NFX1: variants seen among roughly 807,000 people sequenced by gnomAD.
NFX1 encodes nuclear transcription factor, X-box binding 1, also known as transcriptional repressor NF-X1.
A neutral mutation model predicts 137.2 loss-of-function variants in NFX1; 69 were observed. The observed-to-expected ratio is 0.50, with a 90% CI of 0.41 to 0.61. The LOEUF (loss-of-function observed/expected upper bound fraction) is 0.61. NFX1 is among the 20% of genes least tolerant of loss of function. NFX1 has a pLI of 0.00. For missense variants in NFX1, 1,167 were observed against 1,391.0 expected, an observed-to-expected ratio of 0.84 and a Z score of 2.56; for synonymous variants, 495 against 474.1, an observed-to-expected ratio of 1.04 and a Z score of -0.57.
chr9:33,340,387 G>C (rs1823175466), intron 12 of NFX1, among the ~76,000 whole-genome samples: 1 of 152,258 alleles, frequency 6.6e-6, no homozygotes, highest in African/African-American at 2.4e-5. Context: ...CTGGGATGCA[G>C]GGCACCAAGT....
chr9:33,359,881 AAGTT>A (rs1215172172), intron 19 of NFX1, among the ~76,000 whole-genome samples: 1 of 152,216 alleles, frequency 6.6e-6, no homozygotes, highest in South Asian at 2.1e-4. Flanking sequence ...TTAAGATAAA[AAGTT>A]AGACAAATGC....
intron 10 of NFX1, among the ~76,000 whole-genome samples, chr9:33,330,512 T>C (rs1427132535): frequency 1.3e-5 from 2 of 152,256 alleles, no homozygotes; most frequent in African/African-American, 2.4e-5. Context: ...TTTTGTACTT[T>C]GTAAATACTG....
intron 14 of NFX1, among the ~76,000 whole-genome samples, 155 bp from the exon 15 acceptor site, chr9:33,346,883 G>A (rs1823440155): frequency 6.6e-6 from 1 of 152,126 alleles, no homozygotes; most frequent in South Asian, 2.1e-4. Flanking sequence ...TTAACATAAA[G>A]CAAGGTACTT....
chr9:33,295,531 C>A, intron 2 of NFX1, 104 bp downstream of exon 2: 2 of 1,292,078 alleles, frequency 1.5e-6, no homozygotes, highest in Non-Finnish European at 2.1e-6. Context: ...TGGAAAGTTA[C>A]ACTGTAAAAA....
At chr9:33,344,855 ACT>A (rs1012006109) in intron 14 of NFX1, among the ~76,000 whole-genome samples, 2 of 140,016 alleles carry the variant, frequency 1.4e-5, no homozygotes, top group African/African-American at 5.5e-5. Context: ...ACAGACCAAG[ACT>A]CTGTCTCAAA....
chr9:33,354,089 A>T lies in NFX1; in HGVS notation c.2733A>T (p.Ile911=), dbSNP rs1261200308. The change falls in exon 18 of 24, where the codon ATA becomes ATT. Residue 911 remains isoleucine, a synonymous_variant. Coordinates refer to ENST00000379540, the MANE Select transcript of NFX1 (RefSeq NM_002504.6). ...CCCTTTCTTTTTTATATTTCAGAAT[A>T]GCTGCAATCTCCATGGCCTCTAAGA... ...CSEASSTYQR[I]AAISMASKIT... The T allele has an allele frequency of 6.2e-7, 1 of 1,606,034 alleles. No individual in the cohort carries two copies.
chr9:33,355,857 C>T (rs1823793590), intron 19 of NFX1, among the ~76,000 whole-genome samples: 1 of 152,040 alleles, frequency 6.6e-6, no homozygotes, highest in African/African-American at 2.4e-5. Flanking sequence ...GTTGGCCAGG[C>T]TGGTCTCGAA....
chr9:33,317,173 CT>C (rs1822192755), intron 7 of NFX1, among the ~76,000 whole-genome samples: 1 of 151,920 alleles, frequency 6.6e-6, no homozygotes, highest in South Asian at 2.1e-4. Flanking sequence ...AATCCCAGCA[CT>C]TTAGGAGGCC....
intron 7 of NFX1, among the ~76,000 whole-genome samples, chr9:33,317,261 A>T (rs555174191): frequency 1.6e-3 from 248 of 151,716 alleles, no homozygotes; most frequent in Non-Finnish European, 3.0e-3. Flanking sequence ...TCTACAAAAA[A>T]TACAAAAGCT....
In NFX1 at chr9:33,347,776, C is replaced by T. The variant is rs142599751; in HGVS notation, c.2424+659C>T. 2.8e-3 allele frequency: 897 copies of T among 320,250 alleles called. 7 individuals are homozygous for T. Among genetic ancestry groups the T allele is most frequent in the Middle Eastern group, 9.7e-3 (9 of 930 alleles). The allele number at this position is 320,250 out of a possible 1,614,324, so 19.8% of individuals were successfully genotyped here. A position where few individuals can be genotyped will look rare whatever the true frequency, so the allele number is the denominator to read the frequency against. ...CACAATTGCAAAAATGTGGAACCAGCCCAACTGCCCATCAGTCAACAAGTG... is the reference window on the plus strand; with the variant it reads ...CACAATTGCAAAAATGTGGAACCAGTCCAACTGCCCATCAGTCAACAAGTG... On this transcript the variant is annotated intron_variant, in intron 15 of 23. Transcript: ENST00000379540.
intron 19 of NFX1, among the ~76,000 whole-genome samples, chr9:33,359,397 G>A (rs1178770879): frequency 5.3e-5 from 8 of 152,100 alleles, no homozygotes; most frequent in East Asian, 1.9e-4. Context: ...TCAAGAGTTC[G>A]AGACCAGCCT....
intron 12 of NFX1, among the ~76,000 whole-genome samples, chr9:33,341,631 T>TAA (rs1214828356): frequency 6.6e-6 from 1 of 152,174 alleles, no homozygotes; most frequent in Non-Finnish European, 1.5e-5. Flanking sequence ...GACTTCCTCT[T>TAA]ATTATAAAAA....
intron 11 of NFX1, among the ~76,000 whole-genome samples, chr9:33,334,086 A>C (rs949804190): frequency 1.3e-5 from 2 of 152,246 alleles, no homozygotes; most frequent in African/African-American, 4.8e-5. Flanking sequence ...CAGAGGTTGC[A>C]GTGAACTGAG....
At chr9:33,329,719 C>G (rs371898611) in intron 10 of NFX1, among the ~76,000 whole-genome samples, 8 of 151,564 alleles carry the variant, frequency 5.3e-5, no homozygotes, top group African/African-American at 1.7e-4. Flanking sequence ...AGTGCAGAGG[C>G]GCAGTCTTGG....
intron 23 of NFX1, among the ~76,000 whole-genome samples, chr9:33,369,284 C>CA (rs1564155254): frequency 1.3e-5 from 2 of 152,126 alleles, no homozygotes; most frequent in African/African-American, 4.8e-5. Flanking sequence ...AGGATGGTCT[C>CA]AATCTCCTGA....
chr9:33,362,251 C>A (rs1455833627), intron 19 of NFX1, among the ~76,000 whole-genome samples: 1 of 152,028 alleles, frequency 6.6e-6, no homozygotes, highest in Non-Finnish European at 1.5e-5. Flanking sequence ...ACCATATGAT[C>A]CAGCAATCCT....
Position 33,338,588 on chromosome 9 carries a change from T to C in NFX1, c.2114T>C (p.Val705Ala), listed in dbSNP as rs1465551541. ...CATAAATGTAATGAGATATGCTGTG[T>C]GGTAAGTGGACTTATTAGGCATAAT... is the stretch of plus-strand genomic sequence containing the variant. ...GRHKCNEICCVDKEHKCPLIC... is the reference protein window; with the variant it reads ...GRHKCNEICCADKEHKCPLIC... The change falls in exon 12 of 24, where the codon GTG becomes GCG. Residue 705 changes from valine to alanine, a missense_variant and splice_region_variant. This residue lies in a region of NFX1 where 488 missense variants were observed against 691.5 expected (regional missense o/e 0.71). Transcript: ENST00000379540. 2 of 1,588,556 alleles carry C rather than the reference T, an allele frequency of 1.3e-6. No homozygotes were observed. Among genetic ancestry groups the C allele is most frequent in the Admixed American group, 3.8e-5 (2 of 53,188 alleles).
Position 33,371,043 on chromosome 9 carries a change from T to C in NFX1, c.*1065T>C, listed in dbSNP as rs1050862250. 1 of 152,176 alleles carries C rather than the reference T, an allele frequency of 6.6e-6. No individual in the cohort carries two copies. Among genetic ancestry groups the C allele is most frequent in the African/African-American group, 2.4e-5 (1 of 41,440 alleles). 9.4% of individuals were successfully genotyped at this position (152,176 alleles called of 1,614,324 possible). On this transcript the variant is annotated 3_prime_UTR_variant, in exon 24 of 24. Coordinates refer to ENST00000379540, the MANE Select transcript of NFX1 (RefSeq NM_002504.6). ...ACCCCTCCAGCCTGGAGGCCAGGCT[T>C]CCAGCAACTTCCTTCTGCCCTAGAG...
intron 15 of NFX1, among the ~76,000 whole-genome samples, chr9:33,351,343 C>T (rs1365643555): frequency 1.3e-5 from 2 of 151,524 alleles, no homozygotes; most frequent in Non-Finnish European, 2.9e-5. Context: ...ACCTGCAATC[C>T]CAGCTACTTG....
Sources: allele counts gnomAD v4.1 joint callset (sites outside exome capture counted in the v4.1 genomes callset), GRCh38; gene constraint gnomAD v4.1.1; regional missense constraint gnomAD v4.1.1; transcripts MANE v1.5; gene names NCBI Gene and HGNC (gene_info 2026-07-23, HGNC 2026-07-21).